The following ABCA8 variants were observed in gnomAD, a reference collection of about 807,000 sequenced individuals.
The protein encoded by ABCA8 is ATP binding cassette subfamily A member 8.
Under a neutral mutation model 192.3 loss-of-function variants are expected in ABCA8, and 177 were observed. That is an observed-to-expected ratio of 0.92 (90% CI 0.81 to 1.04). The LOEUF (loss-of-function observed/expected upper bound fraction) is 1.04. Among genes scored for constraint, ABCA8 ranks in the 50% least tolerant of loss-of-function variants. ABCA8 has a pLI of 0.00. For missense variants in ABCA8, 1,915 were observed against 1,904.8 expected, an observed-to-expected ratio of 1.01 and a Z score of -0.10; for synonymous variants, 642 against 690.2, an observed-to-expected ratio of 0.93 and a Z score of 1.09.
intron 27 of ABCA8, chr17:68,884,616 C>T (rs896814063): frequency 1.5e-5 from 19 of 1,226,176 alleles, no homozygotes; most frequent in South Asian, 6.8e-5. Context: ...AATCACCTGG[C>T]GAGAGAATCC....
intron 21 of ABCA8, 32 bp downstream of exon 21, chr17:68,902,681 T>C (rs2066944591): frequency 1.3e-6 from 2 of 1,576,028 alleles, no homozygotes; most frequent in East Asian, 2.2e-5. Context: ...GAACAGTAAA[T>C]GTATTTGGAA....
intron 10 of ABCA8, among the ~76,000 whole-genome samples, chr17:68,925,750 TA>T (rs1423737594): frequency 6.6e-6 from 1 of 152,146 alleles, no homozygotes; most frequent in Non-Finnish European, 1.5e-5. Flanking sequence ...ATCTAGCAAA[TA>T]AAAGCATGCC....
In ABCA8 at chr17:68,884,413, A is replaced by C. The variant is rs751761894; in HGVS notation, c.3550-17T>G. On this transcript the variant is annotated splice_polypyrimidine_tract_variant and intron_variant, in intron 27 of 39. Transcript: ENST00000586539. The stretch of plus-strand genomic sequence containing the variant: ...AAAGAGAAGCTGCAAAAGAAAAGAC[A>C]ATTGCTAAACAGGGAGTTTTTTGTT... The C allele has an allele frequency of 6.4e-7, 1 of 1,571,718 alleles. No individual in the cohort carries two copies. Among genetic ancestry groups the C allele is most frequent in the South Asian group, 1.2e-5 (1 of 82,202 alleles).
intron 9 of ABCA8, 150 bp downstream of exon 9, chr17:68,928,899 T>A (rs773106685): frequency 2.2e-5 from 13 of 600,414 alleles, no homozygotes; most frequent in Non-Finnish European, 2.7e-5. Flanking sequence ...TTTCCAAGCT[T>A]TTAAAAGTTC....
chr17:68,897,324 T>C (rs558151511), intron 21 of ABCA8, among the ~76,000 whole-genome samples: 6 of 152,310 alleles, frequency 3.9e-5, no homozygotes, highest in Admixed American at 3.9e-4. Flanking sequence ...ATCAGAGTTG[T>C]ATAAAGCAGG....
chr17:68,898,845 C>T (rs1298817728), intron 21 of ABCA8, among the ~76,000 whole-genome samples: 1 of 152,054 alleles, frequency 6.6e-6, no homozygotes, highest in African/African-American at 2.4e-5. Context: ...TGTATTCACT[C>T]TTCCCCATTT....
intron 28 of ABCA8, 99 bp from the exon 29 acceptor site, chr17:68,883,981 C>G: frequency 1.3e-6 from 1 of 775,982 alleles, no homozygotes; most frequent in Non-Finnish European, 2.1e-6. Context: ...AAAATACATT[C>G]AGTGAAATAA....
rs531910405 is a variant in ABCA8, at chr17:68,919,170, T to A, written c.1788+131A>T. Reference sequence around the variant, plus strand: ...AAATTATATGCAATGTTAGCTATTGTTTAAATTGGATTTTCTTGTCCAACA... The same window carrying A: ...AAATTATATGCAATGTTAGCTATTGATTAAATTGGATTTTCTTGTCCAACA... On this transcript the variant is annotated intron_variant, in intron 14 of 39. Coordinates refer to ENST00000586539, the MANE Select transcript of ABCA8 (RefSeq NM_001288985.2). 1.8e-3 allele frequency: 1,475 copies of A among 837,246 alleles called. 7 individuals carry two copies. The highest frequency in any genetic ancestry group is 2.5e-3 in the Non-Finnish European group (1,361 of 551,090). The allele number at this position is 837,246 out of a possible 1,614,324, so 51.9% of individuals were successfully genotyped here.
intron 2 of ABCA8, chr17:68,944,645 G>A (rs1217897954): frequency 6.6e-6 from 1 of 151,762 alleles, no homozygotes; most frequent in Admixed American, 6.6e-5. Flanking sequence ...CTAAGTTATG[G>A]GTAGAAGCAA....
intron 7 of ABCA8, chr17:68,931,869 A>T (rs918548910): frequency 7.0e-6 from 1 of 142,614 alleles, no homozygotes. Context: ...CTGTGTAGGT[A>T]TCTCTCATTT....
At chr17:68,884,878 T>C (rs1203986815) in intron 27 of ABCA8, 170 of 981,226 alleles carry the variant, frequency 1.7e-4, no homozygotes, top group Non-Finnish European at 2.0e-4. Flanking sequence ...ATCCCAAAGA[T>C]TAGGGACATT....
chr17:68,901,392 G>A (rs917948830), intron 21 of ABCA8, among the ~76,000 whole-genome samples: 1 of 152,094 alleles, frequency 6.6e-6, no homozygotes, highest in Admixed American at 6.5e-5. Flanking sequence ...AACGTTACTG[G>A]CCATTAACAA....
rs1226542441 is a variant in ABCA8, at chr17:68,942,311, A to G, written c.-5-272T>C. 5.3e-5 allele frequency among the ~76,000 whole-genome samples: 8 copies of G among 152,300 alleles called. No homozygotes were observed. In the East Asian group the frequency reaches 1.5e-3, roughly 29 times the overall value. On this transcript the variant is annotated intron_variant, in intron 2 of 39. Coordinates refer to ENST00000586539, the MANE Select transcript of ABCA8 (RefSeq NM_001288985.2). ...AAATTCACTCTGCATAGCCTGCTCT[A>G]TAAAAATGGATCTGAATCCTTTAAG...
At chr17:68,936,037 A>G (rs540208561) in intron 5 of ABCA8, among the ~76,000 whole-genome samples, 2 of 152,276 alleles carry the variant, frequency 1.3e-5, no homozygotes, top group East Asian at 3.9e-4. Flanking sequence ...ACTGAAAAAT[A>G]GGCAAATGGG....
chr17:68,952,258 G>A (rs77608020), intron 1 of ABCA8, among the ~76,000 whole-genome samples: 8,962 of 151,890 alleles, frequency 0.059, 409 homozygotes, highest in East Asian at 0.24. Context: ...TCGCTCTGTC[G>A]CCCAGGCTGG....
chr17:68,908,720 A>G (rs1360166440), intron 17 of ABCA8, among the ~76,000 whole-genome samples: 2 of 152,190 alleles, frequency 1.3e-5, no homozygotes, highest in African/African-American at 4.8e-5. Flanking sequence ...CAAACACAAT[A>G]TTCTATTAAT....
intron 21 of ABCA8, among the ~76,000 whole-genome samples, chr17:68,899,296 T>C (rs999755309): frequency 6.6e-6 from 1 of 152,048 alleles, no homozygotes; most frequent in African/African-American, 2.4e-5. Context: ...GATTGTTAGA[T>C]TGTATTTAAA....
chr17:68,875,429 G>GA (rs4148027), intron 36 of ABCA8, 29 bp from the exon 37 acceptor site: 6,965 of 1,360,212 alleles, frequency 5.1e-3, no homozygotes, highest in South Asian at 0.011. Flanking sequence ...TGAGAAAGGA[G>GA]AAAAAAAAAA....
chr17:68,894,329 G>T lies in ABCA8; in HGVS notation c.2899-19C>A. On this transcript the variant is annotated intron_variant, in intron 22 of 39. Coordinates refer to ENST00000586539, the MANE Select transcript of ABCA8 (RefSeq NM_001288985.2). ...TGTAATTCTAAAATATAACAAGTAG[G>T]ATATAAGTTCTCAAATATCTTCATT... 1.3e-6 allele frequency: 2 copies of T among 1,574,862 alleles called. No homozygotes were observed. Among genetic ancestry groups the T allele is most frequent in the Non-Finnish European group, 1.7e-6 (2 of 1,164,422 alleles).
Sources: gnomAD v4.1 joint callset for allele counts (sites outside exome capture counted in the v4.1 genomes callset) on GRCh38, gnomAD v4.1.1 for gene constraint, MANE v1.5 for transcripts, NCBI Gene and HGNC (gene_info 2026-07-23, HGNC 2026-07-21) for gene names.